Variants in ITGAX observed in about 807,000 individuals in gnomAD.
The protein encoded by ITGAX is integrin alpha-X.
ITGAX carries 99 observed loss-of-function variants against 140.2 expected under a neutral mutation model. The ratio of observed to expected loss-of-function variants is 0.71; its 90% CI spans 0.60 to 0.83. The LOEUF is 0.83. ITGAX is among the 40% of genes least tolerant of loss of function. ITGAX has a pLI of 0.00. For missense variants in ITGAX, 1,444 were observed against 1,482.0 expected (o/e 0.97, Z 0.42); for synonymous variants, 631 against 600.4 (o/e 1.05, Z -0.75).
At position 31,373,391 on chromosome 16, in the gene ITGAX, G is replaced by T. The variant is rs2080991492; in HGVS notation, c.2508+1G>T. The T allele has an allele frequency of 6.8e-6, 11 of 1,609,294 alleles. No homozygotes were observed. Among genetic ancestry groups the T allele is most frequent in the Non-Finnish European group, 9.3e-6 (11 of 1,177,894 alleles). ...CTACCGCTACGTGGCAGAGGGCCAG[G>T]TGCACCCTCTGGGGAAGGAGGAGGA... On this transcript the variant is annotated splice_donor_variant, in intron 20 of 29. Coordinates refer to ENST00000268296, the MANE Select transcript of ITGAX (RefSeq NM_000887.5). LOFTEE classifies it high-confidence loss of function.
chr16:31,362,550 G>A lies in ITGAX; in HGVS notation c.1217-61G>A, dbSNP rs563111756. The A allele has an allele frequency of 1.6e-3, 2,518 of 1,544,922 alleles. 5 individuals are homozygous for A. Among genetic ancestry groups the A allele is most frequent in the Non-Finnish European group, 2.1e-3 (2,410 of 1,145,834 alleles). On this transcript the variant is annotated intron_variant, in intron 11 of 29. Coordinates refer to ENST00000268296, the MANE Select transcript of ITGAX (RefSeq NM_000887.5). Reference sequence around the variant, plus strand: ...AGATGGTGCTGTGCTGCCCGGGGTGGGGGTCCAGGGTTCTGGGGAGGGGGA... The same window carrying A: ...AGATGGTGCTGTGCTGCCCGGGGTGAGGGTCCAGGGTTCTGGGGAGGGGGA...
intron 23 of ITGAX, among the ~76,000 whole-genome samples, chr16:31,377,755 G>A (rs1039430296): frequency 2.0e-5 from 3 of 152,068 alleles, no homozygotes; most frequent in African/African-American, 7.2e-5. Context: ...GCCACACATG[G>A]CAGGTGTGAT....
chr16:31,362,463 T>A (rs1470827299), intron 11 of ITGAX, 148 bp from the exon 12 acceptor site: 8 of 1,153,722 alleles, frequency 6.9e-6, no homozygotes, highest in Non-Finnish European at 8.2e-6. Flanking sequence ...GGTTCCAGGG[T>A]TCTGGGGAGA....
At chr16:31,361,332 C>G in intron 9 of ITGAX, 119 bp downstream of exon 9, 1 of 1,127,326 alleles carries the variant, frequency 8.9e-7, no homozygotes. Context: ...TTTCCCGGGA[C>G]CCCGATAGCC....
Position 31,357,250 on chromosome 16 carries a change from C to T in ITGAX, c.319-3C>T, listed in dbSNP as rs746876765. 4.3e-5 allele frequency: 69 copies of T among 1,598,864 alleles called. No individual in the cohort carries two copies. Among genetic ancestry groups the T allele is most frequent in the Non-Finnish European group, 5.6e-5 (66 of 1,172,592 alleles). ...GCCCCCCAGCAGCCCGCTGTGTCCC[C>T]AGGCCTGCGGCCCCACCGTGCACCA... On this transcript the variant is annotated splice_region_variant and splice_polypyrimidine_tract_variant and intron_variant, in intron 4 of 29. Transcript: ENST00000268296.
intron 14 of ITGAX, chr16:31,369,880 G>C (rs1260903826): frequency 6.6e-6 from 1 of 151,922 alleles, no homozygotes; most frequent in Non-Finnish European, 1.5e-5. Flanking sequence ...CGAACTCCTG[G>C]ACTGAAGAGA....
intron 9 of ITGAX, 185 bp downstream of exon 9, chr16:31,361,398 A>G: frequency 1.3e-6 from 1 of 742,402 alleles, no homozygotes; most frequent in Non-Finnish European, 2.3e-6. Flanking sequence ...GCTGCCCCAA[A>G]GTGGCCCCAG....
chr16:31,374,190 G>A (rs1167758754), intron 20 of ITGAX, among the ~76,000 whole-genome samples: 1 of 152,082 alleles, frequency 6.6e-6, no homozygotes, highest in Non-Finnish European at 1.5e-5. Context: ...TGGGGAGGCC[G>A]AGGTGAGAGA....
intron 8 of ITGAX, chr16:31,360,819 C>G (rs1365262769): frequency 3.8e-6 from 2 of 532,846 alleles, no homozygotes; most frequent in African/African-American, 1.9e-5. Context: ...AACAACATCC[C>G]TTTCAAGGAT....
In ITGAX at chr16:31,378,841, A is replaced by G. The variant is rs1175230098; in HGVS notation, c.2790-727A>G. Among the ~76,000 whole-genome samples the G allele has an allele frequency of 6.6e-5, 9 of 136,800 alleles. No homozygotes were observed. The East Asian group carries it at 1.8e-3, about 27-fold the overall frequency. The allele number at this position is 136,800 out of a possible 152,430, so 89.7% of individuals were successfully genotyped here. On this transcript the variant is annotated intron_variant, in intron 23 of 29. Transcript: ENST00000268296. ...CTCTTTTTTTTTTTTTTTGAGACCA[A>G]GTCTCACTGTGTTGCCCAGGCTGGA...
chr16:31,363,318 GCTGT>G lies in ITGAX; in HGVS notation c.1657_1660del (p.Val553ThrfsTer35). ...CCCAGGAGAGGAGGAGAACCGGGGT[GCTGT>G]CTACCTGTTTCACGGAGTCTTGGGA... On this transcript the variant is annotated frameshift_variant, in exon 14 of 30. Coordinates refer to ENST00000268296, the MANE Select transcript of ITGAX (RefSeq NM_000887.5). LOFTEE classifies it high-confidence loss of function. 6.2e-7 allele frequency: 1 copy of G among 1,614,056 alleles called. No homozygotes were observed. The highest frequency in any genetic ancestry group is 8.5e-7 in the Non-Finnish European group (1 of 1,179,952).
intron 27 of ITGAX, 66 bp downstream of exon 27, chr16:31,380,445 T>C: frequency 1.2e-6 from 2 of 1,608,334 alleles, no homozygotes; most frequent in Non-Finnish European, 8.5e-7. Flanking sequence ...TCTGTGCCCA[T>C]CTGCAAGCCA....
chr16:31,367,606 A>T (rs1386938761), intron 14 of ITGAX, among the ~76,000 whole-genome samples: 1 of 152,210 alleles, frequency 6.6e-6, no homozygotes, highest in Non-Finnish European at 1.5e-5. Context: ...TTTTAAGCCC[A>T]TTCTGGAGAC....
chr16:31,355,838 C>A, intron 1 of ITGAX, 55 bp from the exon 2 acceptor site: 1 of 1,383,888 alleles, frequency 7.2e-7, no homozygotes, highest in Non-Finnish European at 1.0e-6. Context: ...GGGTGGAGGG[C>A]AGCCAGGCAG....
chr16:31,371,798 T>C lies in ITGAX; in HGVS notation c.2160+14T>C. 5.6e-6 allele frequency: 9 copies of C among 1,612,786 alleles called. No homozygotes were observed. The highest frequency in any genetic ancestry group is 1.7e-5 in the Admixed American group (1 of 59,938). On this transcript the variant is annotated intron_variant, in intron 17 of 29. Transcript: ENST00000268296. ...CTGCTGCTCCCGGTGCGTCTGGGCA[T>C]GAACGTGGGTGGCGGCCGCGCTGGG...
At chr16:31,369,590 G>C (rs917030568) in intron 14 of ITGAX, among the ~76,000 whole-genome samples, 2 of 152,208 alleles carry the variant, frequency 1.3e-5, no homozygotes, top group Non-Finnish European at 2.9e-5. Flanking sequence ...CATCAGGCAA[G>C]ACCCTCCACC....
rs959590592 is a variant in ITGAX, at chr16:31,363,479, C to T, written c.1710+105C>T. On this transcript the variant is annotated intron_variant, in intron 14 of 29. Transcript: ENST00000268296. ...TTTTTACCTTTTCCTACCTCCCTTGCCCAGCTCTGAGCACCTTGTAGCAGT... is the reference window on the plus strand; with the variant it reads ...TTTTTACCTTTTCCTACCTCCCTTGTCCAGCTCTGAGCACCTTGTAGCAGT... 7.0e-5 allele frequency: 92 copies of T among 1,312,636 alleles called. No homozygotes were observed. The Admixed American group carries it at 1.3e-3, about 18-fold the overall frequency. The allele number at this position is 1,312,636 out of a possible 1,614,324, so 81.3% of individuals were successfully genotyped here.
Sources: gnomAD v4.1 joint callset for allele counts (sites outside exome capture counted in the v4.1 genomes callset) on GRCh38, gnomAD v4.1.1 for gene constraint, MANE v1.5 for transcripts, NCBI Gene and HGNC (gene_info 2026-07-23, HGNC 2026-07-21) for gene names.